The following DENND1A variants were observed in gnomAD, a reference collection of about 807,000 sequenced individuals.
DENND1A encodes DENN domain-containing protein 1A.
A neutral mutation model predicts 113.7 loss-of-function variants in DENND1A; 51 were observed. That is an observed-to-expected ratio of 0.45 (90% CI 0.36 to 0.57). The LOEUF (loss-of-function observed/expected upper bound fraction) is 0.57, where lower values mean the gene tolerates loss of function less well. Among genes scored for constraint, DENND1A ranks in the 20% least tolerant of loss-of-function variants. The probability of loss-of-function intolerance (pLI) is 0.00; values close to 1 mark genes in which losing one functional copy is unlikely to be tolerated. For missense variants in DENND1A, 1,258 were observed against 1,395.9 expected (o/e 0.90, Z 1.57); for synonymous variants, 565 against 570.8 (o/e 0.99, Z 0.14).
chr9:123,442,957 C>T (rs539341917), intron 18 of DENND1A, among the ~76,000 whole-genome samples: 14 of 152,116 alleles, frequency 9.2e-5, no homozygotes, highest in South Asian at 8.3e-4. Flanking sequence ...ATTTGCAAAA[C>T]GGAGAGAGCA....
chr9:123,452,113 G>A (rs1357603496), intron 17 of DENND1A, among the ~76,000 whole-genome samples, 163 bp downstream of exon 17: 2 of 151,546 alleles, frequency 1.3e-5, no homozygotes, highest in Non-Finnish European at 2.9e-5. Context: ...AGGATTGCTT[G>A]AGCCCTGGAG....
intron 11 of DENND1A, among the ~76,000 whole-genome samples, chr9:123,600,222 T>G (rs2059882514): frequency 6.6e-6 from 1 of 152,154 alleles, no homozygotes; most frequent in Non-Finnish European, 1.5e-5. Flanking sequence ...AGATAAGTCT[T>G]TTAGTTTCTT....
chr9:123,601,966 G>A (rs2059951025), intron 11 of DENND1A, among the ~76,000 whole-genome samples: 1 of 152,174 alleles, frequency 6.6e-6, no homozygotes, highest in South Asian at 2.1e-4. Flanking sequence ...CAGGACAGGT[G>A]GGGACTCTGC....
At chr9:123,569,386 C>G (rs1412332594) in intron 12 of DENND1A, among the ~76,000 whole-genome samples, 1 of 152,146 alleles carries the variant, frequency 6.6e-6, no homozygotes, top group Admixed American at 6.5e-5. Context: ...AAGTAAAATT[C>G]AGTAATGAAA....
At chr9:123,604,271 C>G (rs1255954624) in intron 11 of DENND1A, among the ~76,000 whole-genome samples, 1 of 152,190 alleles carries the variant, frequency 6.6e-6, no homozygotes, top group African/African-American at 2.4e-5. Flanking sequence ...TATTTATCTA[C>G]TAGGTTTCAG....
chr9:123,484,806 GAGC>G (rs2050653467), intron 13 of DENND1A, among the ~76,000 whole-genome samples: 1 of 152,162 alleles, frequency 6.6e-6, no homozygotes, highest in Non-Finnish European at 1.5e-5. Flanking sequence ...GCATGCAAGG[GAGC>G]TTCTGGGCAA....
chr9:123,545,321 T>C (rs1177742040), intron 13 of DENND1A, among the ~76,000 whole-genome samples: 3 of 152,070 alleles, frequency 2.0e-5, no homozygotes, highest in Admixed American at 6.5e-5. Context: ...TCAGTGAAGA[T>C]ATATATCCAA....
chr9:123,429,441 G>A (rs919604920), intron 19 of DENND1A, among the ~76,000 whole-genome samples: 5 of 152,060 alleles, frequency 3.3e-5, no homozygotes, highest in East Asian at 1.9e-4. Flanking sequence ...CCTATAATCC[G>A]ATACTTGGGA....
intron 6 of DENND1A, 118 bp from the exon 7 acceptor site, chr9:123,671,489 G>T: frequency 2.2e-6 from 2 of 929,348 alleles, no homozygotes; most frequent in Non-Finnish European, 3.3e-6. Context: ...CCCCAGTACA[G>T]AAATAGGTTT....
chr9:123,444,340 C>A (rs2047146144), intron 18 of DENND1A, among the ~76,000 whole-genome samples: 1 of 152,146 alleles, frequency 6.6e-6, no homozygotes, highest in Non-Finnish European at 1.5e-5. Flanking sequence ...GTATATATGT[C>A]CATCAGATAA....
intron 2 of DENND1A, chr9:123,843,163 G>C (rs1194740109): frequency 5.4e-6 from 3 of 552,258 alleles, no homozygotes; most frequent in Non-Finnish European, 7.3e-6. Flanking sequence ...CACTTGACAT[G>C]GTTGTGCATA....
At chr9:123,556,024 C>T (rs927921802) in intron 13 of DENND1A, among the ~76,000 whole-genome samples, 2 of 152,194 alleles carry the variant, frequency 1.3e-5, no homozygotes, top group Admixed American at 6.5e-5. Flanking sequence ...CCAGCTGTCA[C>T]TGCTTTGAAC....
At chr9:123,779,759 T>C (rs1830987017) in intron 3 of DENND1A, among the ~76,000 whole-genome samples, 2 of 152,154 alleles carry the variant, frequency 1.3e-5, no homozygotes, top group South Asian at 4.1e-4. Context: ...TTCTGCTCCT[T>C]GGCACATTCA....
chr9:123,549,676 G>A (rs2056923680), intron 13 of DENND1A, among the ~76,000 whole-genome samples: 1 of 152,042 alleles, frequency 6.6e-6, no homozygotes, highest in Admixed American at 6.6e-5. Context: ...AAGGGAGGGT[G>A]GTTATGGAAA....
At chr9:123,574,960 G>A (rs1227112389) in intron 12 of DENND1A, among the ~76,000 whole-genome samples, 6 of 152,186 alleles carry the variant, frequency 3.9e-5, no homozygotes, top group Non-Finnish European at 8.8e-5. Flanking sequence ...ATCCAATCCA[G>A]GATCCTACAT....
intron 11 of DENND1A, among the ~76,000 whole-genome samples, chr9:123,585,082 C>G (rs2900217): frequency 0.42 from 64,175 of 151,656 alleles, 14,147 homozygotes; most frequent in African/African-American, 0.56. Context: ...ACAAGCCTCA[C>G]TAGGATTGAA....
At chr9:123,817,759 G>C (rs1005390218) in intron 2 of DENND1A, among the ~76,000 whole-genome samples, 2 of 152,264 alleles carry the variant, frequency 1.3e-5, no homozygotes, top group East Asian at 3.9e-4. Context: ...GGGCGTGGTG[G>C]CTCATGCCTG....
At chr9:123,891,481 A>G (rs1849889675) in intron 1 of DENND1A, among the ~76,000 whole-genome samples, 1 of 152,216 alleles carries the variant, frequency 6.6e-6, no homozygotes, top group Non-Finnish European at 1.5e-5. Flanking sequence ...TTGATAATCT[A>G]TTGATCTATG....
intron 22 of DENND1A, 39 bp downstream of exon 22, chr9:123,387,691 C>T (rs1233561652): frequency 7.8e-7 from 1 of 1,286,768 alleles, no homozygotes; most frequent in East Asian, 5.6e-5. Context: ...GCAGAGTCAC[C>T]AAGCCGAGCT....
Sources: allele counts gnomAD v4.1 joint callset (sites outside exome capture counted in the v4.1 genomes callset), GRCh38; gene constraint gnomAD v4.1.1; transcripts MANE v1.5; gene names NCBI Gene and HGNC (gene_info 2026-07-23, HGNC 2026-07-21).